The following PCBD2 variants were observed in gnomAD, a reference collection of about 807,000 sequenced individuals.
PCBD2 encodes pterin-4 alpha-carbinolamine dehydratase 2.
In PCBD2, 12 loss-of-function variants were observed where a neutral mutation model predicts 16.4. The observed-to-expected ratio is 0.73, with a 90% CI of 0.47 to 1.19. The LOEUF is 1.19. PCBD2 is among the 50% of genes most tolerant of loss of function. The pLI, the probability that PCBD2 is intolerant of heterozygous loss-of-function variation, is 0.00. For missense variants in PCBD2, 138 were observed against 156.8 expected (o/e 0.88, Z 0.64); for synonymous variants, 58 against 61.8 (o/e 0.94, Z 0.29).
At chr5:134,919,950 G>A (rs1488609904) in intron 2 of PCBD2, among the ~76,000 whole-genome samples, 2 of 152,164 alleles carry the variant, frequency 1.3e-5, no homozygotes, top group Non-Finnish European at 2.9e-5. Context: ...AATATTGGGT[G>A]CCTGATGGAG....
chr5:134,937,367 A>G (rs537105375), intron 2 of PCBD2, among the ~76,000 whole-genome samples: 2 of 152,346 alleles, frequency 1.3e-5, no homozygotes, highest in African/African-American at 4.8e-5. Context: ...ACTAAAAAAG[A>G]TGAATTTTAT....
At chr5:134,943,322 G>A (rs915561577) in intron 2 of PCBD2, among the ~76,000 whole-genome samples, 7 of 152,150 alleles carry the variant, frequency 4.6e-5, no homozygotes, top group African/African-American at 1.7e-4. Context: ...ACTGGGGACG[G>A]TATACATAAG....
Position 134,905,190 on chromosome 5 carries a change from G to A in PCBD2, c.51G>A (p.Ala17=), listed in dbSNP as rs959467241. The A allele has an allele frequency of 1.6e-5, 20 of 1,224,384 alleles. No homozygotes were observed. The highest frequency in any genetic ancestry group is 1.8e-5 in the Non-Finnish European group (18 of 983,442). 75.8% of individuals were successfully genotyped at this position (1,224,384 alleles called of 1,614,324 possible). ...GGGCGACGCGGCGCTTGTTGGCGGC[G>A]CTGCGAGGCCAGAGCCTAGGGCTAG... ...ALGATRRLLA[A]LRGQSLGLAA... The change falls in exon 1 of 4, where the codon GCG becomes GCA. Residue 17 remains alanine, a synonymous_variant. Coordinates refer to ENST00000254908, the MANE Select transcript of PCBD2 (RefSeq NM_032151.5).
chr5:134,909,343 C>A (rs542179504), intron 1 of PCBD2, among the ~76,000 whole-genome samples: 3 of 152,312 alleles, frequency 2.0e-5, no homozygotes, highest in African/African-American at 7.2e-5. Flanking sequence ...GATCTGTGGA[C>A]CCCCAGAAGT....
At chr5:134,955,686 T>G (rs1265829756) in intron 2 of PCBD2, among the ~76,000 whole-genome samples, 1 of 152,204 alleles carries the variant, frequency 6.6e-6, no homozygotes, top group African/African-American at 2.4e-5. Flanking sequence ...TCTTGTTGAT[T>G]TCTATTTCAT....
chr5:134,923,685 G>T (rs1750937781), intron 2 of PCBD2: 1 of 381,806 alleles, frequency 2.6e-6, no homozygotes, highest in Non-Finnish European at 4.6e-6. Flanking sequence ...TGCTATAGTT[G>T]TAAGTAGGAG....
chr5:134,911,690 A>G (rs1017376073), intron 2 of PCBD2, among the ~76,000 whole-genome samples: 2 of 152,222 alleles, frequency 1.3e-5, no homozygotes, highest in Admixed American at 1.3e-4. Flanking sequence ...ATGTTTTCCT[A>G]GTAAATGTCA....
At chr5:134,924,302 G>T (rs74646093) in intron 2 of PCBD2, 44 of 394,928 alleles carry the variant, frequency 1.1e-4, no homozygotes, top group African/African-American at 7.4e-4. Flanking sequence ...TAATTTATTT[G>T]GGGGGAATGA....
At chr5:134,954,216 T>G (rs1223546964) in intron 2 of PCBD2, among the ~76,000 whole-genome samples, 1 of 152,314 alleles carries the variant, frequency 6.6e-6, no homozygotes, top group East Asian at 1.9e-4. Context: ...CAACCTTGGA[T>G]TCCCAAAGCG....
Position 134,962,198 on chromosome 5 carries a change from C to G in PCBD2, c.*1517C>G, listed in dbSNP as rs1751486629. On this transcript the variant is annotated 3_prime_UTR_variant, in exon 4 of 4. Transcript: ENST00000254908. ...TCTTGACTTCTCAGGCTCAAGTGAT[C>G]CTCTCACCTCAGCCTCCTGAGTAGC... 6.6e-6 allele frequency among the ~76,000 whole-genome samples: 1 copy of G among 151,650 alleles called. No homozygotes were observed. The highest frequency in any genetic ancestry group is 2.4e-5 in the African/African-American group (1 of 41,224).
chr5:134,957,894 C>T (rs988756705), intron 2 of PCBD2, among the ~76,000 whole-genome samples: 1 of 152,168 alleles, frequency 6.6e-6, no homozygotes, highest in Admixed American at 6.5e-5. Context: ...AAACTTTTAT[C>T]CCAAATAAAA....
Position 134,960,818 on chromosome 5 carries a change from G to T in PCBD2, c.*137G>T. The T allele has an allele frequency of 1.5e-6, 1 of 688,688 alleles. No homozygotes were observed. Among genetic ancestry groups the T allele is most frequent in the Non-Finnish European group, 2.4e-6 (1 of 414,778 alleles). 42.7% of individuals were successfully genotyped at this position (688,688 alleles called of 1,614,324 possible). ...GTGTTGCTCTGTCGCCCAGGCCAGA[G>T]TGCAGTGGTATGATCTCGGCTCACT... On this transcript the variant is annotated 3_prime_UTR_variant, in exon 4 of 4. Transcript: ENST00000254908.
At chr5:134,957,607 A>G (rs1325455262) in intron 2 of PCBD2, among the ~76,000 whole-genome samples, 1 of 152,098 alleles carries the variant, frequency 6.6e-6, no homozygotes, top group Non-Finnish European at 1.5e-5. Flanking sequence ...TGAGCTCAGG[A>G]GGTTGAGGCT....
At chr5:134,957,924 C>T (rs377521748) in intron 2 of PCBD2, among the ~76,000 whole-genome samples, 1 of 152,124 alleles carries the variant, frequency 6.6e-6, no homozygotes, top group Admixed American at 6.5e-5. Context: ...AGAGAGGTAC[C>T]ATAGTGAATG....
chr5:134,923,223 C>T (rs962049678), intron 2 of PCBD2: 1 of 152,814 alleles, frequency 6.5e-6, no homozygotes, highest in African/African-American at 2.4e-5. Context: ...CAGATACTGC[C>T]TCTGCATCAG....
At chr5:134,942,830 C>T (rs1423662005) in intron 2 of PCBD2, among the ~76,000 whole-genome samples, 1 of 152,112 alleles carries the variant, frequency 6.6e-6, no homozygotes, top group East Asian at 1.9e-4. Context: ...TGCTTAAGGT[C>T]TGGGTTGAGA....
intron 2 of PCBD2, among the ~76,000 whole-genome samples, chr5:134,931,339 A>G (rs1448697378): frequency 1.3e-5 from 2 of 152,218 alleles, no homozygotes; most frequent in African/African-American, 2.4e-5. Flanking sequence ...GTACACAGGT[A>G]ACTCTTAATA....
chr5:134,924,941 G>A (rs1421842369), intron 2 of PCBD2: 4 of 391,636 alleles, frequency 1.0e-5, no homozygotes, highest in African/African-American at 8.3e-5. Flanking sequence ...TTGTTGGTTA[G>A]GTAGTTGAGA....
chr5:134,927,660 A>G, intron 2 of PCBD2: 1 of 398,110 alleles, frequency 2.5e-6, no homozygotes, highest in Non-Finnish European at 4.4e-6. Context: ...GGTGGGGATA[A>G]GTGTGGTTTC....
Sources: gnomAD v4.1 joint callset for allele counts (sites outside exome capture counted in the v4.1 genomes callset) on GRCh38, gnomAD v4.1.1 for gene constraint, MANE v1.5 for transcripts, NCBI Gene and HGNC (gene_info 2026-07-23, HGNC 2026-07-21) for gene names.